AMOTL2: variants seen among roughly 807,000 people sequenced by gnomAD.
AMOTL2 encodes angiomotin like 2.
Under a neutral mutation model 78.4 loss-of-function variants are expected in AMOTL2, and 33 were observed. The ratio of observed to expected loss-of-function variants is 0.42; its 90% CI spans 0.32 to 0.56. The LOEUF is 0.56. Ranked by LOEUF, AMOTL2 falls within the 20% of genes least tolerant of loss-of-function variation. The pLI is 0.12. For synonymous variants in AMOTL2, 422 were observed against 428.8 expected (o/e 0.98, Z 0.20); for missense variants, 983 against 1,030.1 (o/e 0.95, Z 0.63).
rs879782701 is a variant in AMOTL2 at position 134,359,592 on chromosome 3, C to CT, written c.1884-90_1884-89insA. 7.1e-5 allele frequency: 69 copies of CT among 968,508 alleles called. No individual in the cohort carries two copies. The African/African-American group carries it at 1.0e-3, about 15-fold the overall frequency. 60.0% of individuals were successfully genotyped at this position (968,508 alleles called of 1,614,324 possible). On this transcript the variant is annotated intron_variant, in intron 7 of 9. Transcript: ENST00000249883. ...TGCCTCATAGGAGTTAGAGGAAAAG[C>CT]CCCCCCCAACTCCCCCAACCCTGCC...
chr3:134,370,125 C>T (rs2017785724), intron 2 of AMOTL2, among the ~76,000 whole-genome samples: 1 of 152,192 alleles, frequency 6.6e-6, no homozygotes, highest in Non-Finnish European at 1.5e-5. Context: ...AGAATCCTTT[C>T]CCACTGCAGG....
chr3:134,367,293 C>T (rs1162511561), intron 3 of AMOTL2, among the ~76,000 whole-genome samples: 1 of 152,160 alleles, frequency 6.6e-6, no homozygotes, highest in Non-Finnish European at 1.5e-5. Context: ...GCCTGCTCTG[C>T]CGGCCTCTCG....
At position 134,358,731 on chromosome 3, in the gene AMOTL2, G is replaced by A; in HGVS notation, c.2105-12C>T. The A allele has an allele frequency of 6.2e-7, 1 of 1,613,994 alleles. No individual in the cohort carries two copies. On this transcript the variant is annotated splice_polypyrimidine_tract_variant and intron_variant, in intron 8 of 9. Transcript: ENST00000249883. The stretch of plus-strand genomic sequence containing the variant: ...GGGTGCTCTGTCTGCTGGAAAGGTA[G>A]GTGGATGGTTATTGCCATGCCTGTA...
Position 134,364,079 on chromosome 3 carries a change from G to A in AMOTL2, c.1279+1738C>T, listed in dbSNP as rs1047497891. ...AGGGCAGGAAGGCAGGCGAGGCGCC[G>A]ACGGGACCCGGGATGCGCCTTGGGC... On this transcript the variant is annotated intron_variant, in intron 5 of 9. Transcript: ENST00000249883. Among the ~76,000 whole-genome samples, 24 of 152,270 alleles carry A rather than the reference G, an allele frequency of 1.6e-4. No homozygotes were observed. In the East Asian group the frequency reaches 4.5e-3, roughly 28 times the overall value.
At position 134,356,662 on chromosome 3, in the gene AMOTL2, C is replaced by T. The variant is rs1192766166; in HGVS notation, c.*1043G>A. 6.6e-6 allele frequency: 1 copy of T among 152,640 alleles called. No homozygotes were observed. Among genetic ancestry groups the T allele is most frequent in the African/African-American group, 2.4e-5 (1 of 41,446 alleles). The allele number at this position is 152,640 out of a possible 1,614,324, so 9.5% of individuals were successfully genotyped here. A position where few individuals can be genotyped will look rare whatever the true frequency, so the allele number is the denominator to read the frequency against. The stretch of plus-strand genomic sequence containing the variant: ...AATGAAGACACTTATGCTAACAAGA[C>T]ATCTCCAGTTTCTCAGAAAGAACTG... On this transcript the variant is annotated 3_prime_UTR_variant, in exon 10 of 10. Transcript: ENST00000249883.
chr3:134,370,610 A>G (rs2017802973), intron 2 of AMOTL2, 90 bp downstream of exon 2: 1 of 1,450,016 alleles, frequency 6.9e-7, no homozygotes. Context: ...GCTAGCTCTG[A>G]CACAAGCTGT....
At chr3:134,375,147 T>C (rs1184134078), upstream of AMOTL2, 1 of 1,532,690 alleles carries the variant, frequency 6.5e-7, no homozygotes, top group Admixed American at 2.0e-5. Flanking sequence ...ACAGGAAGTG[T>C]GAATCTGGGT....
upstream of AMOTL2, chr3:134,375,106 C>G: frequency 6.6e-7 from 1 of 1,508,056 alleles, no homozygotes; most frequent in Admixed American, 2.1e-5. Context: ...TGTTTACAAA[C>G]ACCTTCGCCA....
chr3:134,373,857 T>C (rs1236836346), intron 1 of AMOTL2: 1 of 981,468 alleles, frequency 1.0e-6, no homozygotes, highest in African/African-American at 1.8e-5. Context: ...GCATTCTTTC[T>C]AAGTGAGGGC....
At position 134,371,073 on chromosome 3, in the gene AMOTL2, G is replaced by A. The variant is rs778410312; in HGVS notation, c.361C>T (p.Gln121Ter). 6.2e-7 allele frequency: 1 copy of A among 1,611,160 alleles called. No individual in the cohort carries two copies. The highest frequency in any genetic ancestry group is 1.7e-5 in the Admixed American group (1 of 59,600). ...KAHSQYYAAQ[Q>*]AGTRPHAGDR... is the part of the protein sequence containing the mutation. ...CCCGCATGTGGCCGGGTCCCTGCCT[G>A]CTGGGCCGCATAGTACTGCGAGTGG... is the stretch of plus-strand genomic sequence containing the variant. Residue 121 changes from glutamine to a stop codon, truncating the protein, a stop_gained, in exon 2 of 10, where the codon CAG (glutamine) becomes TAG (stop). Transcript: ENST00000249883. LOFTEE classifies it high-confidence loss of function.
chr3:134,363,491 T>C (rs556839858), intron 5 of AMOTL2, among the ~76,000 whole-genome samples: 4 of 152,310 alleles, frequency 2.6e-5, no homozygotes, highest in African/African-American at 9.6e-5. Flanking sequence ...AGCCTTAGCA[T>C]GACTCTGTGG....
intron 5 of AMOTL2, among the ~76,000 whole-genome samples, chr3:134,364,171 GGGCGAAGGGCGCCA>G (rs1412472045): frequency 6.6e-6 from 1 of 152,096 alleles, no homozygotes; most frequent in African/African-American, 2.4e-5. Context: ...TCCCAAAGCC[GGGCGAAGGGCGCCA>G]GGCAGCGCGC....
At position 134,361,368 on chromosome 3, in the gene AMOTL2, G is replaced by A. The variant is rs116036697; in HGVS notation, c.1575+144C>T. ...GGTGGAGCAGAGAGCAATCATCCTC[G>A]CCGCCTTCCAACGGGCCTGCAGCCT... On this transcript the variant is annotated intron_variant, in intron 6 of 9. Coordinates refer to ENST00000249883, the MANE Select transcript of AMOTL2 (RefSeq NM_016201.4). 5.6e-4 allele frequency: 534 copies of A among 960,792 alleles called. 3 individuals are homozygous for A. The African/African-American group carries it at 6.9e-3, about 12-fold the overall frequency. The allele number at this position is 960,792 out of a possible 1,614,324, so 59.5% of individuals were successfully genotyped here.
upstream of AMOTL2, chr3:134,374,999 A>G: frequency 7.0e-7 from 1 of 1,430,624 alleles, no homozygotes; most frequent in South Asian, 1.5e-5. Flanking sequence ...CTGGGCTGGG[A>G]CAGTGCCCCG....
At chr3:134,370,394 T>C (rs978531358) in intron 2 of AMOTL2, among the ~76,000 whole-genome samples, 1 of 152,220 alleles carries the variant, frequency 6.6e-6, no homozygotes, top group Non-Finnish European at 1.5e-5. Flanking sequence ...AGGAAGTTCT[T>C]TCTGAAATCT....
intron 4 of AMOTL2, 48 bp downstream of exon 4, chr3:134,366,232 TAAG>T (rs771421484): frequency 2.7e-6 from 2 of 749,104 alleles, no homozygotes; most frequent in Non-Finnish European, 4.0e-6. Flanking sequence ...ACAAAAGAAG[TAAG>T]TCCTCTGCAG....
At chr3:134,373,190 C>A (rs2017941473) in intron 1 of AMOTL2, among the ~76,000 whole-genome samples, 2 of 152,076 alleles carry the variant, frequency 1.3e-5, no homozygotes, top group African/African-American at 4.8e-5. Flanking sequence ...TGCAAGACTC[C>A]AGAGCTACCC....
chr3:134,373,766 C>A, intron 1 of AMOTL2: 1 of 985,454 alleles, frequency 1.0e-6, no homozygotes, highest in Non-Finnish European at 1.2e-6. Context: ...TTAAGCATCG[C>A]GGGTCCGCCT....
At chr3:134,362,759 T>C (rs1310958477) in intron 5 of AMOTL2, among the ~76,000 whole-genome samples, 1 of 152,160 alleles carries the variant, frequency 6.6e-6, no homozygotes, top group Admixed American at 6.5e-5. Context: ...GAGCCCTCCA[T>C]CTGATGTTCT....
Sources: allele counts gnomAD v4.1 joint callset (sites outside exome capture counted in the v4.1 genomes callset), GRCh38; gene constraint gnomAD v4.1.1; transcripts MANE v1.5; gene names NCBI Gene and HGNC (gene_info 2026-07-23, HGNC 2026-07-21).